SERBP1: variants seen among roughly 807,000 people sequenced by gnomAD.
SERBP1 encodes the protein SERPINE1 mRNA-binding protein 1.
Under a neutral mutation model 50.2 loss-of-function variants are expected in SERBP1, and 6 were observed. The ratio of observed to expected loss-of-function variants is 0.12; its 90% CI spans 0.07 to 0.24. The LOEUF is 0.24. SERBP1 is among the 10% of genes least tolerant of loss of function. The pLI is 1.00. For missense variants in SERBP1, 346 were observed against 524.9 expected, an observed-to-expected ratio of 0.66 and a Z score of 3.33; for synonymous variants, 168 against 182.8, an observed-to-expected ratio of 0.92 and a Z score of 0.65.
In SERBP1 at chr1:67,426,127, C is replaced by T; in HGVS notation, c.464+8G>A. The stretch of plus-strand genomic sequence containing the variant: ...AAGACCCTGGCTCAAAAACAAGAAA[C>T]AACTTACCTATCAACTGAAAATTCG... On this transcript the variant is annotated splice_region_variant and intron_variant, in intron 2 of 7. Coordinates refer to ENST00000361219, the MANE Select transcript of SERBP1 (RefSeq NM_001018069.2). The T allele has an allele frequency of 2.5e-6, 4 of 1,601,350 alleles. No individual in the cohort carries two copies. Among genetic ancestry groups the T allele is most frequent in the Non-Finnish European group, 3.4e-6 (4 of 1,175,412 alleles).
At chr1:67,422,541 G>C (rs1667234424) in intron 5 of SERBP1, among the ~76,000 whole-genome samples, 1 of 151,460 alleles carries the variant, frequency 6.6e-6, no homozygotes, top group African/African-American at 2.4e-5. Context: ...AAAAAGTTTA[G>C]AAAACATCTG....
intron 4 of SERBP1, 118 bp downstream of exon 4, chr1:67,424,770 A>T: frequency 2.6e-6 from 2 of 768,862 alleles, no homozygotes; most frequent in Admixed American, 2.3e-5. Flanking sequence ...TTATCTTGTA[A>T]TATAGTAACT....
At position 67,411,698 on chromosome 1, in the gene SERBP1, T is replaced by C. The variant is rs1402568271; in HGVS notation, c.*1509A>G. On this transcript the variant is annotated 3_prime_UTR_variant, in exon 8 of 8. Coordinates refer to ENST00000361219, the MANE Select transcript of SERBP1 (RefSeq NM_001018069.2). ...TATATGTGAGAACCAATCAGCTAAA[T>C]AGAAATGTTTAAGATTGAAGATGTC... The C allele has an allele frequency of 1.3e-5, 2 of 152,172 alleles. No homozygotes were observed. The highest frequency in any genetic ancestry group is 2.1e-4 in the South Asian group (1 of 4,838). 9.4% of individuals were successfully genotyped at this position (152,172 alleles called of 1,614,324 possible).
At chr1:67,421,668 T>A (rs543816453) in intron 5 of SERBP1, among the ~76,000 whole-genome samples, 1 of 152,162 alleles carries the variant, frequency 6.6e-6, no homozygotes, top group African/African-American at 2.4e-5. Context: ...TATTAAACAG[T>A]TGTGGTTGGA....
At chr1:67,420,721 G>T (rs1288576325) in intron 5 of SERBP1, among the ~76,000 whole-genome samples, 1 of 152,106 alleles carries the variant, frequency 6.6e-6, no homozygotes, top group African/African-American at 2.4e-5. Flanking sequence ...CAAAACAATA[G>T]CCGTGTTTCT....
intron 4 of SERBP1, 70 bp downstream of exon 4, chr1:67,424,818 T>G: frequency 8.7e-7 from 1 of 1,154,340 alleles, no homozygotes; most frequent in Non-Finnish European, 1.3e-6. Context: ...CAGAGACAAG[T>G]AAAATTTGAC....
At chr1:67,415,526 T>C (rs1026191484) in intron 6 of SERBP1, among the ~76,000 whole-genome samples, 187 bp from the exon 7 acceptor site, 1 of 152,238 alleles carries the variant, frequency 6.6e-6, no homozygotes, top group Non-Finnish European at 1.5e-5. Flanking sequence ...AAGATTTTCC[T>C]GCACTTTTCT....
intron 6 of SERBP1, 60 bp from the exon 7 acceptor site, chr1:67,415,399 TA>T: frequency 7.0e-7 from 1 of 1,438,388 alleles, no homozygotes; most frequent in Non-Finnish European, 9.2e-7. Context: ...GCAAAATTTC[TA>T]AATAATGAGC....
At chr1:67,416,234 A>C (rs1667007712) in intron 6 of SERBP1, among the ~76,000 whole-genome samples, 1 of 152,176 alleles carries the variant, frequency 6.6e-6, no homozygotes, top group Admixed American at 6.5e-5. Context: ...GCTGGTCTCA[A>C]ACTCCTAGGC....
intron 5 of SERBP1, among the ~76,000 whole-genome samples, chr1:67,423,435 T>A (rs1200676538): frequency 1.3e-5 from 2 of 151,884 alleles, no homozygotes; most frequent in African/African-American, 4.8e-5. Context: ...GGTGAAACCC[T>A]GTCTCTACTA....
intron 7 of SERBP1, among the ~76,000 whole-genome samples, chr1:67,414,376 AG>A (rs2100411601): frequency 6.7e-6 from 1 of 149,436 alleles, no homozygotes; most frequent in South Asian, 2.1e-4. Context: ...TAAAAAAAAA[AG>A]GTTGGTCTTA....
At chr1:67,416,049 G>A (rs1277884790) in intron 6 of SERBP1, among the ~76,000 whole-genome samples, 2 of 131,796 alleles carry the variant, frequency 1.5e-5, no homozygotes, top group African/African-American at 2.8e-5. Flanking sequence ...GTCTCACTCT[G>A]TCACCCAGGC....
chr1:67,421,155 T>TA (rs1667185373), intron 5 of SERBP1, among the ~76,000 whole-genome samples: 1 of 151,956 alleles, frequency 6.6e-6, no homozygotes, highest in Non-Finnish European at 1.5e-5. Context: ...AAAAACTTCC[T>TA]AGAGCAAGTT....
At chr1:67,422,371 C>T (rs1314104185) in intron 5 of SERBP1, among the ~76,000 whole-genome samples, 1 of 151,854 alleles carries the variant, frequency 6.6e-6, no homozygotes, top group African/African-American at 2.4e-5. Flanking sequence ...ATTAGCCGGG[C>T]GTGGTGGCAC....
At position 67,408,429 on chromosome 1, in the gene SERBP1, A is replaced by G. The variant is rs1179128251; in HGVS notation, c.*4778T>C. 6.6e-6 allele frequency: 1 copy of G among 152,200 alleles called. No individual in the cohort carries two copies. Among genetic ancestry groups the G allele is most frequent in the Admixed American group, 6.5e-5 (1 of 15,280 alleles). The allele number at this position is 152,200 out of a possible 1,614,324, so 9.4% of individuals were successfully genotyped here. On this transcript the variant is annotated 3_prime_UTR_variant, in exon 8 of 8. Transcript: ENST00000361219. ...CAGTATATACATACTAACTCAAAAA[A>G]ATAATTCGGTAAATCATTTTCTAAC...
At chr1:67,429,288 C>G (rs1667487078) in intron 1 of SERBP1, 1 of 152,250 alleles carries the variant, frequency 6.6e-6, no homozygotes, top group South Asian at 2.1e-4. Context: ...AATCACCAGT[C>G]TTCATTCATA....
At position 67,430,371 on chromosome 1, in the gene SERBP1, G is replaced by A. The variant is rs1410416165; in HGVS notation, c.-71C>T. 2 of 1,445,600 alleles carry A rather than the reference G, an allele frequency of 1.4e-6. No homozygotes were observed. The highest frequency in any genetic ancestry group is 1.4e-5 in the African/African-American group (1 of 69,346). The allele number at this position is 1,445,600 out of a possible 1,614,324, so 89.5% of individuals were successfully genotyped here. A position where few individuals can be genotyped will look rare whatever the true frequency, so the allele number is the denominator to read the frequency against. On this transcript the variant is annotated 5_prime_UTR_variant, in exon 1 of 8. Coordinates refer to ENST00000361219, the MANE Select transcript of SERBP1 (RefSeq NM_001018069.2). ...CGCCGAGCCAAGAGCGCCTGCTTCAGCTCTTCCCACAAGATGGCCGGGCCG... is the reference window on the plus strand; with the variant it reads ...CGCCGAGCCAAGAGCGCCTGCTTCAACTCTTCCCACAAGATGGCCGGGCCG...
chr1:67,426,352 G>T, intron 1 of SERBP1, 67 bp from the exon 2 acceptor site: 1 of 1,440,520 alleles, frequency 6.9e-7, no homozygotes, highest in Non-Finnish European at 9.2e-7. Context: ...GGCCTGGACT[G>T]TCAAAAGCTG....
intron 6 of SERBP1, 146 bp downstream of exon 6, chr1:67,419,863 T>G (rs1667148340): frequency 1.5e-6 from 1 of 673,046 alleles, no homozygotes; most frequent in East Asian, 2.7e-5. Context: ...CAGTTTATTT[T>G]CCTTATAAAG....
Sources: allele counts gnomAD v4.1 joint callset (sites outside exome capture counted in the v4.1 genomes callset), GRCh38; gene constraint gnomAD v4.1.1; transcripts MANE v1.5; gene names NCBI Gene and HGNC (gene_info 2026-07-23, HGNC 2026-07-21).